The following DIDO1 variants were observed in gnomAD, a reference collection of about 807,000 sequenced individuals.
DIDO1 encodes death inducer-obliterator 1, also known as death-inducer obliterator 1.
In DIDO1, 16 loss-of-function variants were observed where a neutral mutation model predicts 99.4. That is an observed-to-expected ratio of 0.16 (90% CI 0.11 to 0.24). DIDO1 has a LOEUF of 0.24. DIDO1 is among the 10% of genes least tolerant of loss of function. The pLI is 1.00. For synonymous variants in DIDO1, 1,366 were observed against 1,239.1 expected, an observed-to-expected ratio of 1.10 and a Z score of -2.15; for missense variants, 2,996 against 3,014.0, an observed-to-expected ratio of 0.99 and a Z score of 0.14.
intron 6 of DIDO1, among the ~76,000 whole-genome samples, chr20:62,904,728 C>T (rs889084304): frequency 3.6e-5 from 5 of 139,510 alleles, no homozygotes; most frequent in African/African-American, 1.1e-4. Context: ...TGCAGTGAGC[C>T]GAGATCATGC....
chr20:62,925,178 T>C (rs2065228970), intron 1 of DIDO1, among the ~76,000 whole-genome samples: 3 of 152,150 alleles, frequency 2.0e-5, no homozygotes, highest in South Asian at 4.1e-4. Flanking sequence ...CAACACCTGA[T>C]TTAAAGGAAG....
At chr20:62,912,399 T>C (rs1472439172) in intron 2 of DIDO1, among the ~76,000 whole-genome samples, 1 of 151,818 alleles carries the variant, frequency 6.6e-6, no homozygotes, top group South Asian at 2.1e-4. Context: ...TTAGAAAACA[T>C]GGTCAAGGCG....
chr20:62,917,172 T>C (rs1248095349), intron 1 of DIDO1, among the ~76,000 whole-genome samples: 1 of 152,000 alleles, frequency 6.6e-6, no homozygotes, highest in Non-Finnish European at 1.5e-5. Context: ...GGACTACAGG[T>C]GCATGCCACC....
chr20:62,928,624 T>C (rs989253755), upstream of DIDO1: 2 of 152,232 alleles, frequency 1.3e-5, no homozygotes, highest in Non-Finnish European at 2.9e-5. Context: ...AAAAGAATAC[T>C]TTTTCCTAAC....
chr20:62,889,673 C>T, intron 15 of DIDO1: 1 of 985,402 alleles, frequency 1.0e-6, no homozygotes, highest in Non-Finnish European at 1.2e-6. Flanking sequence ...TCACGTGGAG[C>T]TGGCCAGAGC....
chr20:62,925,615 ATATAT>A (rs1250286882), intron 1 of DIDO1, among the ~76,000 whole-genome samples: 2 of 152,232 alleles, frequency 1.3e-5, no homozygotes, highest in Non-Finnish European at 2.9e-5. Flanking sequence ...CTCTAAACTT[ATATAT>A]TAAAGTCCTT....
chr20:62,924,100 C>T (rs1429568182), intron 1 of DIDO1, among the ~76,000 whole-genome samples: 1 of 152,248 alleles, frequency 6.6e-6, no homozygotes, highest in Non-Finnish European at 1.5e-5. Context: ...CCAATTAGTA[C>T]ATTTCCATTA....
chr20:62,893,323 T>C (rs574287153), intron 12 of DIDO1, among the ~76,000 whole-genome samples: 36 of 152,384 alleles, frequency 2.4e-4, no homozygotes, highest in Non-Finnish European at 3.7e-4. Flanking sequence ...AAAGACTTTA[T>C]ATGTAAAAGC....
chr20:62,909,712 T>G lies in DIDO1; in HGVS notation c.1148A>C (p.Lys383Thr). Reference sequence around the variant, plus strand: ...ACAAACACTTACAGGCTGGAAGATCTTGAGTTTCTTCTTGCCACTTGGATT... The same window carrying G: ...ACAAACACTTACAGGCTGGAAGATCGTGAGTTTCTTCTTGCCACTTGGATT... Reference protein sequence around the residue: ...AANPSGKKKLKIFQPVIEAPG... With the variant: ...AANPSGKKKLTIFQPVIEAPG... Residue 383 changes from lysine (K) to threonine (T), a missense_variant, in exon 4 of 16, where the codon AAG (lysine) becomes ACG (threonine). This residue lies in a region of DIDO1 where 898 missense variants were observed against 972.7 expected (regional missense o/e 0.92). Transcript: ENST00000395343. 1.9e-6 allele frequency: 3 copies of G among 1,613,366 alleles called. No homozygotes were observed. The highest frequency in any genetic ancestry group is 2.5e-6 in the Non-Finnish European group (3 of 1,179,350).
intron 15 of DIDO1, among the ~76,000 whole-genome samples, chr20:62,884,616 A>G (rs2064268770): frequency 6.6e-6 from 1 of 152,158 alleles, no homozygotes; most frequent in African/African-American, 2.4e-5. Context: ...ATCTCCCTAA[A>G]TTCCACTAAG....
intron 15 of DIDO1, chr20:62,887,811 G>T: frequency 1.0e-6 from 1 of 985,502 alleles, no homozygotes; most frequent in Non-Finnish European, 1.2e-6. Context: ...TGGTAAAGCT[G>T]GAACTGAGTG....
intron 15 of DIDO1, chr20:62,889,621 C>T (rs996033097): frequency 1.6e-5 from 16 of 985,302 alleles, no homozygotes; most frequent in South Asian, 4.7e-5. Flanking sequence ...GCCAGCTTCT[C>T]GGTCTTCACC....
rs1392453110 is a variant in DIDO1, at chr20:62,881,828, T to C, written c.4128A>G (p.Leu1376=). ...ATGGCCTGTCGTCCTCCTCTTCCTC[T>C]AGAGCCTTATCTTTTGAGAACTGAC... ...QFGQFSKDKA[L]EEEEDDRPYD... The change falls in exon 16 of 16, where the codon CTA becomes CTG. Residue 1376 remains leucine (L), a synonymous_variant. Coordinates refer to ENST00000395343, the MANE Select transcript of DIDO1 (RefSeq NM_001193369.2). The surrounding 1 kb of genome is among the most constrained non-coding windows in gnomAD (Gnocchi z 8.3). 1.9e-6 allele frequency: 3 copies of C among 1,613,536 alleles called. No individual in the cohort carries two copies. The highest frequency in any genetic ancestry group is 2.5e-6 in the Non-Finnish European group (3 of 1,180,012).
rs111421835 is a variant in DIDO1, at chr20:62,879,330, C to T, written c.6626G>A (p.Arg2209His). 4.5e-6 allele frequency: 7 copies of T among 1,558,778 alleles called. No homozygotes were observed. The highest frequency in any genetic ancestry group is 2.7e-5 in the African/African-American group (2 of 73,442). Residue 2209 changes from arginine (R) to histidine (H), a missense_variant, in exon 16 of 16, where the codon CGC becomes CAC. Physicochemically the swap from Arg to His is conservative, Grantham distance 29. Coordinates refer to ENST00000395343, the MANE Select transcript of DIDO1 (RefSeq NM_001193369.2). The surrounding 1 kb of genome is among the most constrained non-coding windows in gnomAD (Gnocchi z 6.3). ...RDKARDRERG[R>H]DRKDRSKSKE... Reference sequence around the variant, plus strand: ...GCTCTTGCTCCGGTCCTTGCGGTCGCGGCCCCGCTCCCTGTCCCTGGCCTT... The same window carrying T: ...GCTCTTGCTCCGGTCCTTGCGGTCGTGGCCCCGCTCCCTGTCCCTGGCCTT...
In DIDO1 at chr20:62,896,345, T is replaced by C. The variant is rs773613866; in HGVS notation, c.2102A>G (p.Lys701Arg). Reference sequence around the variant, plus strand: ...CTCCTTCTCAATATGGAGGGCAATTTTTCCTACTTCGTTTTCTGTCATGAT... The same window carrying C: ...CTCCTTCTCAATATGGAGGGCAATTCTTCCTACTTCGTTTTCTGTCATGAT... Reference protein sequence around the residue: ...DLIMTENEVGKIALHIEKEMF... With the variant: ...DLIMTENEVGRIALHIEKEMF... The change falls in exon 8 of 16, where the codon AAA (lysine) becomes AGA (arginine). Residue 701 changes from lysine (K) to arginine (R), a missense_variant. Physicochemically the swap from Lys to Arg is conservative, Grantham distance 26 (BLOSUM62 2). Around this residue, in one of 5 missense-constraint regions of DIDO1, gnomAD observed 898 missense variants for 972.7 expected, o/e 0.92. Transcript: ENST00000395343. The surrounding 1 kb of genome is among the most constrained non-coding windows in gnomAD (Gnocchi z 4.4). The C allele has an allele frequency of 6.2e-7, 1 of 1,614,164 alleles. No individual in the cohort carries two copies. The highest frequency in any genetic ancestry group is 8.5e-7 in the Non-Finnish European group (1 of 1,180,024).
intron 6 of DIDO1, among the ~76,000 whole-genome samples, chr20:62,897,987 TC>T (rs1463904329): frequency 6.6e-6 from 1 of 152,164 alleles, no homozygotes; most frequent in Non-Finnish European, 1.5e-5. Flanking sequence ...GGGAGCTACC[TC>T]GGGTGATCAA....
At chr20:62,895,467 AAAC>A (rs1219610125) in intron 8 of DIDO1, among the ~76,000 whole-genome samples, 2 of 152,272 alleles carry the variant, frequency 1.3e-5, no homozygotes, top group African/African-American at 2.4e-5. Flanking sequence ...GCTAAAAAAA[AAAC>A]AACACACAAC....
At position 62,896,503 on chromosome 20, in the gene DIDO1, G is replaced by T; in HGVS notation, c.2054+28C>A. 1 of 1,578,298 alleles carries T rather than the reference G, an allele frequency of 6.3e-7. No individual in the cohort carries two copies. Among genetic ancestry groups the T allele is most frequent in the South Asian group, 1.2e-5 (1 of 85,918 alleles). On this transcript the variant is annotated intron_variant, in intron 7 of 15. Transcript: ENST00000395343. The surrounding 1 kb of genome is among the most constrained non-coding windows in gnomAD (Gnocchi z 4.4). ...CTAATGAAAGCCCTTCCATTTTAAT[G>T]GGTAAGAAATCAAGCAGAACAGCCC...
intron 15 of DIDO1, chr20:62,889,600 G>A: frequency 1.0e-6 from 1 of 985,432 alleles, no homozygotes; most frequent in Non-Finnish European, 1.2e-6. Context: ...GGTCTTCACA[G>A]GTGCGGAGAG....
Sources: gnomAD v4.1 joint callset for allele counts (sites outside exome capture counted in the v4.1 genomes callset) on GRCh38, gnomAD v4.1.1 for gene constraint, gnomAD v4.1.1 regional missense constraint, Gnocchi (gnomAD v3.1) non-coding constraint, MANE v1.5 for transcripts, NCBI Gene and HGNC (gene_info 2026-07-23, HGNC 2026-07-21) for gene names.